SEC24B: variants seen among roughly 807,000 people sequenced by gnomAD.
The protein encoded by SEC24B is protein transport protein Sec24B.
Under a neutral mutation model 142.8 loss-of-function variants are expected in SEC24B, and 45 were observed. The observed-to-expected ratio is 0.32, with a 90% CI of 0.25 to 0.40. The LOEUF is 0.40. Ranked by LOEUF, SEC24B falls within the 10% of genes least tolerant of loss-of-function variation. SEC24B has a pLI of 1.00. For synonymous variants in SEC24B, 574 were observed against 568.2 expected, an observed-to-expected ratio of 1.01 and a Z score of -0.15; for missense variants, 1,409 against 1,526.8, an observed-to-expected ratio of 0.92 and a Z score of 1.29.
chr4:109,481,391 C>T (rs1317999944), intron 3 of SEC24B, among the ~76,000 whole-genome samples: 1 of 152,202 alleles, frequency 6.6e-6, no homozygotes, highest in Non-Finnish European at 1.5e-5. Flanking sequence ...GTAAACTTTT[C>T]AGACAATATT....
intron 1 of SEC24B, among the ~76,000 whole-genome samples, chr4:109,435,460 C>T (rs1728321538): frequency 6.6e-6 from 1 of 152,194 alleles, no homozygotes. Context: ...TCTTTTAGAA[C>T]ATTGTAGACT....
At position 109,445,845 on chromosome 4, in the gene SEC24B, C is replaced by A. The variant is rs56077223; in HGVS notation, c.133+11843C>A. ...CCTCAGCCTCCCAAAGTGCTGGGATCACAGGTGTGAGCCACCGCACCCAGC... is the reference window on the plus strand; with the variant it reads ...CCTCAGCCTCCCAAAGTGCTGGGATAACAGGTGTGAGCCACCGCACCCAGC... On this transcript the variant is annotated intron_variant, in intron 1 of 23. Transcript: ENST00000265175. Among the ~76,000 whole-genome samples, 258 of 149,910 alleles carry A rather than the reference C, an allele frequency of 1.7e-3. 1 individual carries two copies. Among genetic ancestry groups the A allele is most frequent in the Non-Finnish European group, 2.5e-3 (171 of 67,384 alleles).
At chr4:109,521,720 G>T (rs899420720) in intron 14 of SEC24B, 94 bp downstream of exon 14, 9 of 1,001,084 alleles carry the variant, frequency 9.0e-6, no homozygotes, top group Non-Finnish European at 1.3e-5. Flanking sequence ...AGAGAGTTGG[G>T]TTTTTTTGTT....
intron 2 of SEC24B, among the ~76,000 whole-genome samples, chr4:109,464,602 T>A (rs17040454): frequency 0.047 from 7,138 of 152,306 alleles, 189 homozygotes; most frequent in African/African-American, 0.07. Flanking sequence ...TTTAACAGAA[T>A]CTGCTTTTGA....
intron 14 of SEC24B, among the ~76,000 whole-genome samples, chr4:109,524,372 T>A (rs1052369490): frequency 1.3e-5 from 2 of 152,146 alleles, no homozygotes; most frequent in African/African-American, 2.4e-5. Flanking sequence ...TCAGCTCAAG[T>A]CTTCTCATAC....
chr4:109,451,849 C>T (rs1008779647), intron 1 of SEC24B, among the ~76,000 whole-genome samples: 1 of 152,142 alleles, frequency 6.6e-6, no homozygotes, highest in African/African-American at 2.4e-5. Flanking sequence ...ACCTAAACAT[C>T]ATTCAGTTAG....
chr4:109,490,707 G>A (rs12648965), intron 4 of SEC24B, among the ~76,000 whole-genome samples: 26,557 of 151,906 alleles, frequency 0.17, 2,616 homozygotes, highest in African/African-American at 0.27. Context: ...CACACATAAT[G>A]AAAATTCTTA....
chr4:109,472,181 T>C (rs910387620), intron 2 of SEC24B, among the ~76,000 whole-genome samples: 1 of 152,178 alleles, frequency 6.6e-6, no homozygotes, highest in African/African-American at 2.4e-5. Flanking sequence ...ACACTATACA[T>C]AGACACACAT....
chr4:109,462,922 A>G lies in SEC24B; in HGVS notation c.155A>G (p.Gln52Arg), dbSNP rs189098852. 9 of 1,609,900 alleles carry G rather than the reference A, an allele frequency of 5.6e-6. No homozygotes were observed. The highest frequency in any genetic ancestry group is 6.8e-6 in the Non-Finnish European group (8 of 1,179,594). ...QQNGPAQNQM[Q>R]VPSGYGLHHQ... The stretch of plus-strand genomic sequence containing the variant: ...TCAGGTCCAGCCCAGAATCAAATGC[A>G]GGTTCCATCTGGATATGGATTGCAT... The change falls in exon 2 of 24, where the codon CAG (glutamine) becomes CGG (arginine). Residue 52 changes from glutamine to arginine, a missense_variant. Coordinates refer to ENST00000265175, the MANE Select transcript of SEC24B (RefSeq NM_006323.5).
intron 1 of SEC24B, among the ~76,000 whole-genome samples, chr4:109,446,226 A>G (rs1364197369): frequency 6.6e-6 from 1 of 152,206 alleles, no homozygotes; most frequent in Admixed American, 6.5e-5. Context: ...TGATACAATC[A>G]CAGCAGTTCT....
At chr4:109,465,348 C>CT (rs371498140) in intron 2 of SEC24B, among the ~76,000 whole-genome samples, 9 of 152,312 alleles carry the variant, frequency 5.9e-5, no homozygotes, top group African/African-American at 2.2e-4. Context: ...TCTTGAGAAT[C>CT]TATTTCTAAC....
At position 109,433,941 on chromosome 4, in the gene SEC24B, C is replaced by G; in HGVS notation, c.72C>G (p.Ala24=). The change falls in exon 1 of 24, where the codon GCC becomes GCG. Residue 24 remains alanine, a synonymous_variant. Coordinates refer to ENST00000265175, the MANE Select transcript of SEC24B (RefSeq NM_006323.5). ...TCCCGCCCAAGTTCGGCGGAGCGGCCGTCTCAGGAGCCGCAGCGCCCGCGG... is the reference window on the plus strand; with the variant it reads ...TCCCGCCCAAGTTCGGCGGAGCGGCGGTCTCAGGAGCCGCAGCGCCCGCGG... ...ARIPPKFGGA[A]VSGAAAPAGP... is the part of the protein sequence containing the mutation. 1 of 1,274,596 alleles carries G rather than the reference C, an allele frequency of 7.8e-7. No individual in the cohort carries two copies. The highest frequency in any genetic ancestry group is 2.5e-5 in the South Asian group (1 of 39,952). 79.0% of individuals were successfully genotyped at this position (1,274,596 alleles called of 1,614,324 possible).
chr4:109,496,317 T>C (rs1735538810), intron 6 of SEC24B, among the ~76,000 whole-genome samples: 1 of 152,140 alleles, frequency 6.6e-6, no homozygotes, highest in African/African-American at 2.4e-5. Context: ...GTCACCATTT[T>C]GGCCAGGCTG....
rs879123303 is a variant in SEC24B at position 109,525,292 on chromosome 4, C to A, written c.2633-54C>A. On this transcript the variant is annotated intron_variant, in intron 15 of 23. Coordinates refer to ENST00000265175, the MANE Select transcript of SEC24B (RefSeq NM_006323.5). ...ATGTAGAATCTGTACTACTGTTGGA[C>A]AAGTAAAATATTATTATTTCTATAG... The A allele has an allele frequency of 3.5e-6, 5 of 1,412,984 alleles. No individual in the cohort carries two copies. The East Asian group carries it at 9.6e-5, about 27-fold the overall frequency. 87.5% of individuals were successfully genotyped at this position (1,412,984 alleles called of 1,614,324 possible). A position where few individuals can be genotyped will look rare whatever the true frequency, so the allele number is the denominator to read the frequency against.
At chr4:109,503,267 T>C (rs1736350754) in intron 6 of SEC24B, among the ~76,000 whole-genome samples, 1 of 149,372 alleles carries the variant, frequency 6.7e-6, no homozygotes, top group African/African-American at 2.5e-5. Context: ...TCTTGTTGCC[T>C]GGCTGGAGTG....
intron 22 of SEC24B, among the ~76,000 whole-genome samples, chr4:109,536,185 A>C (rs1255328942): frequency 1.3e-5 from 2 of 152,214 alleles, no homozygotes; most frequent in Non-Finnish European, 2.9e-5. Flanking sequence ...GGGGAAATAT[A>C]TGAAAAATAA....
At chr4:109,523,569 A>G (rs1578980498) in intron 14 of SEC24B, among the ~76,000 whole-genome samples, 1 of 152,226 alleles carries the variant, frequency 6.6e-6, no homozygotes, top group East Asian at 1.9e-4. Context: ...GGCATTTTTA[A>G]GCCCTATTTC....
At chr4:109,532,820 G>A (rs1029761200) in intron 21 of SEC24B, 77 bp downstream of exon 21, 5 of 706,478 alleles carry the variant, frequency 7.1e-6, no homozygotes, top group Non-Finnish European at 1.3e-5. Flanking sequence ...GGGTCCAGCT[G>A]TTATCACAGA....
intron 6 of SEC24B, among the ~76,000 whole-genome samples, chr4:109,501,983 G>A (rs1736205724): frequency 6.6e-6 from 1 of 152,206 alleles, no homozygotes; most frequent in South Asian, 2.1e-4. Context: ...AGTTACAAGT[G>A]CTATGAAGTA....
Sources: gnomAD v4.1 joint callset for allele counts (sites outside exome capture counted in the v4.1 genomes callset) on GRCh38, gnomAD v4.1.1 for gene constraint, MANE v1.5 for transcripts, NCBI Gene and HGNC (gene_info 2026-07-23, HGNC 2026-07-21) for gene names.